The following LCOR variants were observed in gnomAD, a reference collection of about 807,000 sequenced individuals.
LCOR encodes the protein ligand dependent nuclear receptor corepressor, also known as ligand-dependent corepressor.
A neutral mutation model predicts 64.4 loss-of-function variants in LCOR; 14 were observed. The ratio of observed to expected loss-of-function variants is 0.22; its 90% CI spans 0.14 to 0.34. The LOEUF is 0.34. Among genes scored for constraint, LCOR ranks in the 10% least tolerant of loss-of-function variants. LCOR has a pLI of 1.00. For missense variants in LCOR, 1,686 were observed against 1,765.3 expected, an observed-to-expected ratio of 0.96 and a Z score of 0.80; for synonymous variants, 643 against 642.5, an observed-to-expected ratio of 1.00 and a Z score of -0.01.
At chr10:96,905,782 A>G (rs1589646174) in intron 2 of LCOR, among the ~76,000 whole-genome samples, 1 of 151,344 alleles carries the variant, frequency 6.6e-6, no homozygotes, top group South Asian at 2.1e-4. Context: ...AAGAGAGTTG[A>G]AAAACAATTG....
At chr10:96,916,576 A>G (rs1210109377) in intron 4 of LCOR, among the ~76,000 whole-genome samples, 1 of 143,724 alleles carries the variant, frequency 7.0e-6, no homozygotes, top group African/African-American at 2.7e-5. Context: ...CACATATGAG[A>G]TATTTAAAGG....
At chr10:96,861,791 C>T (rs982717632) in intron 2 of LCOR, among the ~76,000 whole-genome samples, 1 of 152,166 alleles carries the variant, frequency 6.6e-6, no homozygotes, top group African/African-American at 2.4e-5. Context: ...TTTGGCCTCC[C>T]AAAGTGCTGG....
At chr10:96,922,151 A>C (rs1252893837) in intron 4 of LCOR, among the ~76,000 whole-genome samples, 1 of 140,462 alleles carries the variant, frequency 7.1e-6, no homozygotes, top group African/African-American at 2.7e-5. Context: ...GGATTGTATC[A>C]GCTGGCAATA....
chr10:96,855,339 A>G (rs1182638260), intron 2 of LCOR, among the ~76,000 whole-genome samples: 1 of 147,052 alleles, frequency 6.8e-6, no homozygotes, highest in Non-Finnish European at 1.5e-5. Context: ...ACTCGAGCCG[A>G]TAATTACCTT....
chr10:96,994,591 T>A lies in LCOR; in HGVS notation c.*9457T>A, dbSNP rs1000577298. 1 of 152,016 alleles carries A rather than the reference T, an allele frequency of 6.6e-6. No individual in the cohort carries two copies. The allele number at this position is 152,016 out of a possible 1,614,324, so 9.4% of individuals were successfully genotyped here. A position where few individuals can be genotyped will look rare whatever the true frequency, so the allele number is the denominator to read the frequency against. Reference sequence around the variant, plus strand: ...AAGTGGGTGCATTAGGATAAAACTTTCCCTTGCTGAGCCTGAAGGCAAGCA... The same window carrying A: ...AAGTGGGTGCATTAGGATAAAACTTACCCTTGCTGAGCCTGAAGGCAAGCA... On this transcript the variant is annotated 3_prime_UTR_variant, in exon 8 of 8. Transcript: ENST00000421806.
intron 4 of LCOR, among the ~76,000 whole-genome samples, chr10:96,924,710 G>T (rs901871358): frequency 6.6e-6 from 1 of 151,224 alleles, no homozygotes; most frequent in Non-Finnish European, 1.5e-5. Flanking sequence ...TACTTACAAC[G>T]CAGGCATTTT....
chr10:96,853,416 A>G (rs972131856), intron 2 of LCOR, among the ~76,000 whole-genome samples: 9 of 152,212 alleles, frequency 5.9e-5, no homozygotes, highest in African/African-American at 1.9e-4. Context: ...CCAAAATAAG[A>G]TAGTGTTTCA....
chr10:96,889,005 C>T (rs1846393279), intron 2 of LCOR, among the ~76,000 whole-genome samples: 4 of 152,198 alleles, frequency 2.6e-5, no homozygotes, highest in Admixed American at 2.0e-4. Context: ...TTTTAAAAAA[C>T]TAAAATTCAC....
At chr10:96,867,063 C>T (rs1002295047) in intron 2 of LCOR, among the ~76,000 whole-genome samples, 22 of 151,968 alleles carry the variant, frequency 1.4e-4, no homozygotes, top group South Asian at 4.2e-4. Context: ...CTCGGCTCAC[C>T]GCAACCTCCG....
intron 2 of LCOR, among the ~76,000 whole-genome samples, chr10:96,854,073 A>G (rs932139274): frequency 2.6e-5 from 4 of 152,196 alleles, no homozygotes; most frequent in African/African-American, 7.2e-5. Flanking sequence ...GAGCCAAGCC[A>G]TATCACCCTG....
intron 7 of LCOR, among the ~76,000 whole-genome samples, chr10:96,953,526 G>C (rs1027971485): frequency 6.6e-6 from 1 of 151,994 alleles, no homozygotes; most frequent in African/African-American, 2.4e-5. Context: ...ACTCAAGCCT[G>C]GGTGACAGAG....
chr10:96,937,502 T>A (rs1176275711), intron 4 of LCOR, among the ~76,000 whole-genome samples: 1 of 152,194 alleles, frequency 6.6e-6, no homozygotes, highest in Non-Finnish European at 1.5e-5. Context: ...GTATCTTCAC[T>A]GGTATATATA....
chr10:96,867,101 C>T (rs1278420009), intron 2 of LCOR, among the ~76,000 whole-genome samples: 1 of 152,154 alleles, frequency 6.6e-6, no homozygotes, highest in Non-Finnish European at 1.5e-5. Flanking sequence ...ATTCACCTGC[C>T]TCAGCCTCCC....
At chr10:96,934,634 C>T (rs1050227010) in intron 4 of LCOR, among the ~76,000 whole-genome samples, 1 of 152,206 alleles carries the variant, frequency 6.6e-6, no homozygotes, top group Non-Finnish European at 1.5e-5. Context: ...CAGAGTGTCA[C>T]TCTGTCACCC....
chr10:96,873,571 C>CGTGTGTGTGTGTGTGTGTGT (rs55893181), intron 2 of LCOR, among the ~76,000 whole-genome samples: 4 of 126,340 alleles, frequency 3.2e-5, no homozygotes, highest in African/African-American at 8.4e-5. Context: ...CACACACACA[C>CGTGTGTGTGTGTGTGTGTGT]GTGTGTGTGT....
intron 2 of LCOR, among the ~76,000 whole-genome samples, chr10:96,846,117 G>T (rs538208903): frequency 6.6e-6 from 1 of 152,236 alleles, no homozygotes; most frequent in South Asian, 2.1e-4. Flanking sequence ...TGAGGCAGGA[G>T]AATTGCTTGA....
intron 7 of LCOR, among the ~76,000 whole-genome samples, chr10:96,980,325 G>A (rs1267871752): frequency 6.6e-6 from 1 of 152,126 alleles, no homozygotes; most frequent in Non-Finnish European, 1.5e-5. Context: ...AGAGTTAATA[G>A]TGTGGTCAAA....
intron 2 of LCOR, among the ~76,000 whole-genome samples, chr10:96,905,645 G>C (rs903930390): frequency 1.6e-4 from 25 of 152,164 alleles, no homozygotes; most frequent in Middle Eastern, 3.4e-3. Flanking sequence ...GAAGAGAGGG[G>C]ACCATAGCAA....
intron 4 of LCOR, among the ~76,000 whole-genome samples, chr10:96,913,183 T>A (rs1318479025): frequency 6.6e-6 from 1 of 152,216 alleles, no homozygotes; most frequent in Non-Finnish European, 1.5e-5. Flanking sequence ...GTGTAAGAAT[T>A]CAAGGTGTCG....
Sources: gnomAD v4.1 joint callset for allele counts (sites outside exome capture counted in the v4.1 genomes callset) on GRCh38, gnomAD v4.1.1 for gene constraint, MANE v1.5 for transcripts, NCBI Gene and HGNC (gene_info 2026-07-23, HGNC 2026-07-21) for gene names.